The following EPB41L4A variants were observed in gnomAD, a reference collection of about 807,000 sequenced individuals.
The protein encoded by EPB41L4A is erythrocyte membrane protein band 4.1 like 4A, also known as band 4.1-like protein 4A.
In EPB41L4A, 100 loss-of-function variants were observed where a neutral mutation model predicts 108.6. That is an observed-to-expected ratio of 0.92 (90% confidence interval 0.78 to 1.09). The LOEUF is 1.09. Among genes scored for constraint, EPB41L4A ranks in the 50% least tolerant of loss-of-function variants. The probability of loss-of-function intolerance (pLI) is 0.00; values close to 1 mark genes in which losing one functional copy is unlikely to be tolerated. For missense variants in EPB41L4A, 1,030 were observed against 842.7 expected, an observed-to-expected ratio of 1.22 and a Z score of -2.75; for synonymous variants, 319 against 289.0, an observed-to-expected ratio of 1.10 and a Z score of -1.05.
At chr5:112,272,265 G>A (rs1242290868) in intron 4 of EPB41L4A, among the ~76,000 whole-genome samples, 2 of 150,772 alleles carry the variant, frequency 1.3e-5, no homozygotes, top group Non-Finnish European at 2.9e-5. Flanking sequence ...CTCCCAAGCA[G>A]GAGTAACCGG....
chr5:112,292,362 C>G (rs1341657072), intron 2 of EPB41L4A, among the ~76,000 whole-genome samples: 2 of 152,308 alleles, frequency 1.3e-5, no homozygotes, highest in East Asian at 3.9e-4. Context: ...ATCCTGCGGC[C>G]TCCAATACTG....
At chr5:112,233,708 G>C (rs780590091) in intron 12 of EPB41L4A, among the ~76,000 whole-genome samples, 15 of 152,080 alleles carry the variant, frequency 9.9e-5, no homozygotes, top group Non-Finnish European at 1.9e-4. Context: ...ATCATGCCCA[G>C]AAGTGCTGTT....
At chr5:112,334,942 T>C (rs1756823823) in intron 1 of EPB41L4A, among the ~76,000 whole-genome samples, 1 of 152,136 alleles carries the variant, frequency 6.6e-6, no homozygotes, top group Non-Finnish European at 1.5e-5. Context: ...AAGATCAAAC[T>C]TTAGGAGAGA....
intron 1 of EPB41L4A, among the ~76,000 whole-genome samples, chr5:112,347,695 T>C (rs1757774491): frequency 6.6e-6 from 1 of 152,216 alleles, no homozygotes; most frequent in Non-Finnish European, 1.5e-5. Context: ...TGAATATTTG[T>C]GGAATACAGC....
At chr5:112,170,869 G>A in intron 19 of EPB41L4A, 76 bp downstream of exon 19, 2 of 1,333,616 alleles carry the variant, frequency 1.5e-6, no homozygotes, top group Non-Finnish European at 2.1e-6. Flanking sequence ...TTGCCTCTCA[G>A]TATCAGGAGT....
downstream of EPB41L4A, chr5:112,161,712 G>A (rs1372017516): frequency 2.1e-5 from 10 of 479,438 alleles, no homozygotes; most frequent in African/African-American, 5.9e-5. Context: ...GGTGGAAGAT[G>A]GATGCCTGAA....
At chr5:112,236,739 A>C (rs762922182) in intron 11 of EPB41L4A, among the ~76,000 whole-genome samples, 2 of 152,198 alleles carry the variant, frequency 1.3e-5, no homozygotes, top group Non-Finnish European at 2.9e-5. Flanking sequence ...GTGAGACAGA[A>C]AGAAAAGAAC....
chr5:112,340,847 T>C (rs753009834), intron 1 of EPB41L4A, among the ~76,000 whole-genome samples: 1 of 152,226 alleles, frequency 6.6e-6, no homozygotes, highest in Non-Finnish European at 1.5e-5. Flanking sequence ...CTCAGCCCTA[T>C]TGTAAACATA....
intron 1 of EPB41L4A, among the ~76,000 whole-genome samples, chr5:112,395,746 G>C (rs1396148861): frequency 6.6e-6 from 1 of 152,142 alleles, no homozygotes; most frequent in Non-Finnish European, 1.5e-5. Context: ...CCATTACTGG[G>C]TATATACCCA....
intron 6 of EPB41L4A, among the ~76,000 whole-genome samples, chr5:112,262,902 C>A (rs1316088955): frequency 1.3e-5 from 2 of 152,132 alleles, no homozygotes; most frequent in African/African-American, 4.8e-5. Flanking sequence ...AAATTAAACA[C>A]CATCCCCTTC....
At chr5:112,350,625 CTG>C (rs1420792403) in intron 1 of EPB41L4A, among the ~76,000 whole-genome samples, 1 of 152,204 alleles carries the variant, frequency 6.6e-6, no homozygotes, top group Non-Finnish European at 1.5e-5. Flanking sequence ...TCTTCATTCC[CTG>C]CAAGCTCCAA....
At position 112,233,493 on chromosome 5, in the gene EPB41L4A, A is replaced by T. The variant is rs566708907; in HGVS notation, c.1087+1141T>A. The stretch of plus-strand genomic sequence containing the variant: ...TTTCTATATGTGTATTATGTTACAC[A>T]ATAAAAGACCAATAATAACAAAGAA... On this transcript the variant is annotated intron_variant, in intron 12 of 22. Transcript: ENST00000261486. Among the ~76,000 whole-genome samples, 3 of 152,368 alleles carry T rather than the reference A, an allele frequency of 2.0e-5. 1 individual carries two copies. In the South Asian group the frequency reaches 6.2e-4, roughly 32 times the overall value.
chr5:112,149,696 A>C (rs1759394176), intron 12 of EPB41L4A, among the ~76,000 whole-genome samples: 2 of 152,222 alleles, frequency 1.3e-5, no homozygotes, highest in Non-Finnish European at 2.9e-5. Context: ...CCTATAATTC[A>C]GAACAAATAA....
chr5:112,210,767 G>C (rs1467094796), intron 12 of EPB41L4A, among the ~76,000 whole-genome samples: 1 of 152,010 alleles, frequency 6.6e-6, no homozygotes, highest in Non-Finnish European at 1.5e-5. Context: ...TCTCCAGTGT[G>C]CATGTACCTC....
At chr5:112,148,677 G>GC (rs1554068357) in intron 12 of EPB41L4A, among the ~76,000 whole-genome samples, 1 of 151,776 alleles carries the variant, frequency 6.6e-6, no homozygotes, top group Non-Finnish European at 1.5e-5. Context: ...TGTTTAGTAA[G>GC]TTTTTTTTAC....
chr5:112,235,537 A>C (rs1749268978), intron 11 of EPB41L4A, among the ~76,000 whole-genome samples: 2 of 152,180 alleles, frequency 1.3e-5, no homozygotes, highest in South Asian at 2.1e-4. Flanking sequence ...AGTTTGATTC[A>C]CCACAAGTAC....
chr5:112,314,091 C>T (rs1755247890), intron 1 of EPB41L4A, among the ~76,000 whole-genome samples: 1 of 151,896 alleles, frequency 6.6e-6, no homozygotes, highest in African/African-American at 2.4e-5. Flanking sequence ...ATCTCCTGAC[C>T]TTGTGATCTG....
At chr5:112,362,039 G>A (rs1416527594) in intron 1 of EPB41L4A, among the ~76,000 whole-genome samples, 1 of 152,010 alleles carries the variant, frequency 6.6e-6, no homozygotes, top group African/African-American at 2.4e-5. Flanking sequence ...CCAACCAAAG[G>A]GCTAGTCTAC....
chr5:112,285,538 G>A (rs1753228391), intron 2 of EPB41L4A, among the ~76,000 whole-genome samples: 2 of 152,116 alleles, frequency 1.3e-5, no homozygotes, highest in Non-Finnish European at 2.9e-5. Flanking sequence ...GAAGCCTTAG[G>A]ACCTCAAGTA....
Sources: allele counts gnomAD v4.1 joint callset (sites outside exome capture counted in the v4.1 genomes callset), GRCh38; gene constraint gnomAD v4.1.1; transcripts MANE v1.5; gene names NCBI Gene and HGNC (gene_info 2026-07-23, HGNC 2026-07-21).